The following MAN1A2 variants were observed in gnomAD, a reference collection of about 807,000 sequenced individuals.
The protein encoded by MAN1A2 is mannosidase alpha class 1A member 2, also known as mannosyl-oligosaccharide 1,2-alpha-mannosidase IB.
A neutral mutation model predicts 75.7 loss-of-function variants in MAN1A2; 26 were observed. The observed-to-expected ratio is 0.34, with a 90% CI of 0.25 to 0.48. The LOEUF (loss-of-function observed/expected upper bound fraction) is 0.48. Ranked by LOEUF, MAN1A2 falls within the 20% of genes least tolerant of loss-of-function variation. MAN1A2 has a pLI of 0.99. For synonymous variants in MAN1A2, 247 were observed against 264.6 expected (o/e 0.93, Z 0.65); for missense variants, 562 against 775.5 (o/e 0.72, Z 3.27).
At chr1:117,380,603 A>T (rs1653300216) in intron 1 of MAN1A2, among the ~76,000 whole-genome samples, 1 of 152,186 alleles carries the variant, frequency 6.6e-6, no homozygotes, top group African/African-American at 2.4e-5. Context: ...TGTTTGTCCC[A>T]GCACCATTTG....
At chr1:117,481,895 A>T (rs1650509564) in intron 8 of MAN1A2, among the ~76,000 whole-genome samples, 1 of 151,918 alleles carries the variant, frequency 6.6e-6, no homozygotes, top group South Asian at 2.1e-4. Context: ...AGCTTCTTAA[A>T]TGTTGATATT....
intron 1 of MAN1A2, among the ~76,000 whole-genome samples, chr1:117,388,929 C>G (rs946059076): frequency 6.6e-6 from 1 of 152,216 alleles, no homozygotes; most frequent in Non-Finnish European, 1.5e-5. Flanking sequence ...TTGCTTTGTA[C>G]TGATGGTGAT....
intron 5 of MAN1A2, among the ~76,000 whole-genome samples, chr1:117,425,672 C>G (rs1032356902): frequency 6.6e-6 from 1 of 152,108 alleles, no homozygotes; most frequent in East Asian, 1.9e-4. Flanking sequence ...CAACTTGCAG[C>G]AAACTAGAAG....
intron 5 of MAN1A2, among the ~76,000 whole-genome samples, chr1:117,432,782 G>A (rs78729061): frequency 6.6e-6 from 1 of 151,884 alleles, no homozygotes; most frequent in East Asian, 1.9e-4. Flanking sequence ...AGGCAATATA[G>A]CAAGAGAAAA....
rs373076182 is a variant in MAN1A2 at position 117,458,524 on chromosome 1, T to TATATATAA, written c.951-1965_951-1964insATATATAA. On this transcript the variant is annotated intron_variant, in intron 6 of 12. Transcript: ENST00000356554. Reference sequence around the variant, plus strand: ...ATATATATATATAGATATATATATATTTTTTTTTTTTTTTTTGAGACAGAG... The same window carrying TATATATAA: ...ATATATATATATAGATATATATATATATATATAATTTTTTTTTTTTTTTTGAGACAGAG... 5.5e-3 allele frequency among the ~76,000 whole-genome samples: 390 copies of TATATATAA among 71,430 alleles called. 5 individuals carry two copies. The highest frequency in any genetic ancestry group is 0.02 in the African/African-American group (365 of 18,508). 46.9% of individuals were successfully genotyped at this position (71,430 alleles called of 152,430 possible).
intron 12 of MAN1A2, among the ~76,000 whole-genome samples, chr1:117,517,226 T>A (rs977054612): frequency 4.6e-5 from 7 of 152,164 alleles, no homozygotes; most frequent in Non-Finnish European, 1.0e-4. Flanking sequence ...TATAAAGGAA[T>A]ATAAAAATAA....
At chr1:117,521,000 C>A (rs1651854105) in intron 12 of MAN1A2, among the ~76,000 whole-genome samples, 1 of 151,910 alleles carries the variant, frequency 6.6e-6, no homozygotes, top group South Asian at 2.1e-4. Context: ...ACAGAGAACC[C>A]AGAAATAAAG....
chr1:117,407,355 GTACAATTTGAGTTT>G (rs1387579632), intron 3 of MAN1A2, among the ~76,000 whole-genome samples: 2 of 151,988 alleles, frequency 1.3e-5, no homozygotes, highest in Non-Finnish European at 2.9e-5. Context: ...TTGCCAGTAA[GTACAATTTGAGTTT>G]TTTTAATCTA....
intron 8 of MAN1A2, among the ~76,000 whole-genome samples, chr1:117,488,151 G>A (rs1018051570): frequency 5.3e-5 from 8 of 151,454 alleles, no homozygotes; most frequent in African/African-American, 1.7e-4. Context: ...AAGCAGAGGT[G>A]TCCTTTTAGA....
intron 12 of MAN1A2, among the ~76,000 whole-genome samples, chr1:117,519,363 C>CA (rs933619324): frequency 8.6e-4 from 129 of 150,772 alleles, no homozygotes; most frequent in African/African-American, 2.7e-3. Flanking sequence ...GAAATTGAAA[C>CA]AAAAAAAATA....
At chr1:117,388,074 A>G (rs1258188956) in intron 1 of MAN1A2, among the ~76,000 whole-genome samples, 1 of 151,240 alleles carries the variant, frequency 6.6e-6, no homozygotes, top group Non-Finnish European at 1.5e-5. Flanking sequence ...CATTTACTCT[A>G]TAATTGAATC....
chr1:117,382,499 C>T lies in MAN1A2; in HGVS notation c.302+14014C>T, dbSNP rs192258785. Among the ~76,000 whole-genome samples the T allele has an allele frequency of 9.1e-3, 1,390 of 152,116 alleles. 14 individuals are homozygous for T. The highest frequency in any genetic ancestry group is 0.028 in the African/African-American group (1,150 of 41,496). ...CGAAGATCAGATAGTTGTAGATATG[C>T]GGCATTATTTCTGAGGGCTCTGTTC... is the stretch of plus-strand genomic sequence containing the variant. On this transcript the variant is annotated intron_variant, in intron 1 of 12. Coordinates refer to ENST00000356554, the MANE Select transcript of MAN1A2 (RefSeq NM_006699.5).
intron 1 of MAN1A2, among the ~76,000 whole-genome samples, chr1:117,378,342 A>C (rs889080715): frequency 7.2e-5 from 11 of 152,244 alleles, no homozygotes; most frequent in African/African-American, 2.6e-4. Flanking sequence ...AATTATATAC[A>C]GTTTTTCATG....
intron 8 of MAN1A2, among the ~76,000 whole-genome samples, chr1:117,486,471 G>C (rs769677046): frequency 5.3e-5 from 8 of 151,900 alleles, no homozygotes; most frequent in Non-Finnish European, 8.8e-5. Flanking sequence ...TCCCACAGGA[G>C]ACAGACAATT....
intron 5 of MAN1A2, among the ~76,000 whole-genome samples, chr1:117,426,018 T>C (rs539158320): frequency 6.6e-6 from 1 of 152,160 alleles, no homozygotes; most frequent in African/African-American, 2.4e-5. Context: ...GGTCTATTGG[T>C]AGTGAGTTCT....
intron 8 of MAN1A2, among the ~76,000 whole-genome samples, chr1:117,472,949 G>A (rs1054276577): frequency 4.6e-5 from 7 of 151,924 alleles, no homozygotes; most frequent in Non-Finnish European, 8.8e-5. Flanking sequence ...GTAGAGGTCA[G>A]TCCTCCATTC....
chr1:117,425,805 A>G (rs866297125), intron 5 of MAN1A2, among the ~76,000 whole-genome samples: 2 of 152,238 alleles, frequency 1.3e-5, no homozygotes, highest in Non-Finnish European at 2.9e-5. Flanking sequence ...CTGCAAATCC[A>G]TAGTACATTG....
At chr1:117,441,562 A>G (rs1649035462) in intron 5 of MAN1A2, among the ~76,000 whole-genome samples, 1 of 152,152 alleles carries the variant, frequency 6.6e-6, no homozygotes, top group Non-Finnish European at 1.5e-5. Flanking sequence ...ATTGGGATAT[A>G]CTAAGAAAAT....
intron 6 of MAN1A2, among the ~76,000 whole-genome samples, chr1:117,452,682 T>C (rs1649460797): frequency 6.6e-6 from 1 of 152,226 alleles, no homozygotes; most frequent in Non-Finnish European, 1.5e-5. Flanking sequence ...AGGTTGGTTA[T>C]AAAGTTTAAA....
Sources: allele counts gnomAD v4.1 joint callset (sites outside exome capture counted in the v4.1 genomes callset), GRCh38; gene constraint gnomAD v4.1.1; transcripts MANE v1.5; gene names NCBI Gene and HGNC (gene_info 2026-07-23, HGNC 2026-07-21).